PHLPP1: variants seen among roughly 807,000 people sequenced by gnomAD.
PHLPP1 encodes PH domain leucine-rich repeat-containing protein phosphatase 1.
In PHLPP1, 42 loss-of-function variants were observed where a neutral mutation model predicts 117.2. The observed-to-expected ratio is 0.36, with a 90% confidence interval of 0.28 to 0.46. The LOEUF (loss-of-function observed/expected upper bound fraction) is 0.46, where lower values mean the gene tolerates loss of function less well. PHLPP1 is among the 20% of genes least tolerant of loss of function. The pLI, the probability that PHLPP1 is intolerant of heterozygous loss-of-function variation, is 1.00. For synonymous variants in PHLPP1, 1,042 were observed against 970.7 expected, an observed-to-expected ratio of 1.07 and a Z score of -1.37; for missense variants, 2,084 against 2,241.9, an observed-to-expected ratio of 0.93 and a Z score of 1.42.
At chr18:62,797,180 T>C (rs970905623) in intron 1 of PHLPP1, among the ~76,000 whole-genome samples, 1 of 152,244 alleles carries the variant, frequency 6.6e-6, no homozygotes, top group African/African-American at 2.4e-5. Context: ...TATTCTTCTG[T>C]AACCAAAACT....
At chr18:62,902,476 A>G (rs1013806098) in intron 6 of PHLPP1, among the ~76,000 whole-genome samples, 7 of 152,048 alleles carry the variant, frequency 4.6e-5, no homozygotes, top group Admixed American at 3.9e-4. Flanking sequence ...TTCCACCTCA[A>G]CCTTTAATTC....
intron 14 of PHLPP1, among the ~76,000 whole-genome samples, chr18:62,964,267 A>C (rs1440578876): frequency 6.6e-6 from 1 of 152,204 alleles, no homozygotes; most frequent in African/African-American, 2.4e-5. Flanking sequence ...GGCACACATT[A>C]GAATCAGTAA....
At chr18:62,964,151 A>G (rs890543612) in intron 14 of PHLPP1, among the ~76,000 whole-genome samples, 4 of 152,306 alleles carry the variant, frequency 2.6e-5, no homozygotes, top group African/African-American at 9.6e-5. Flanking sequence ...GTAAATTAGA[A>G]CGGCCATAAT....
intron 2 of PHLPP1, among the ~76,000 whole-genome samples, chr18:62,837,267 C>G (rs543199120): frequency 1.3e-5 from 2 of 152,282 alleles, no homozygotes; most frequent in South Asian, 4.1e-4. Context: ...GCTGGGATTA[C>G]AAGTGTGAGC....
intron 1 of PHLPP1, among the ~76,000 whole-genome samples, chr18:62,746,809 CTAAA>C (rs1403025969): frequency 1.3e-5 from 2 of 150,630 alleles, no homozygotes; most frequent in African/African-American, 4.9e-5. Context: ...TGTATTAAAA[CTAAA>C]AAAAAGTTTG....
intron 1 of PHLPP1, among the ~76,000 whole-genome samples, chr18:62,737,971 A>G: frequency 6.6e-6 from 1 of 152,120 alleles, no homozygotes; most frequent in East Asian, 1.9e-4. Context: ...AGCAGTTCCC[A>G]CTTAATTTGA....
At chr18:62,902,522 C>T (rs1916749667) in intron 6 of PHLPP1, among the ~76,000 whole-genome samples, 1 of 152,190 alleles carries the variant, frequency 6.6e-6, no homozygotes, top group Non-Finnish European at 1.5e-5. Flanking sequence ...CATCCTCTCT[C>T]CTTCATTAAA....
intron 4 of PHLPP1, among the ~76,000 whole-genome samples, chr18:62,874,405 A>C (rs953013433): frequency 6.6e-6 from 1 of 152,046 alleles, no homozygotes; most frequent in African/African-American, 2.4e-5. Flanking sequence ...GGTATTTGGG[A>C]GGCTGAGGCA....
At chr18:62,900,686 A>G (rs1243101051) in intron 6 of PHLPP1, among the ~76,000 whole-genome samples, 5 of 151,790 alleles carry the variant, frequency 3.3e-5, no homozygotes, top group African/African-American at 9.7e-5. Context: ...TCTGGTCTCA[A>G]ACGAACCTTC....
intron 1 of PHLPP1, among the ~76,000 whole-genome samples, chr18:62,817,160 T>C (rs1456465043): frequency 5.9e-5 from 9 of 152,144 alleles, no homozygotes; most frequent in Admixed American, 5.9e-4. Flanking sequence ...CCCAGGCTGG[T>C]CTGAAATTCC....
intron 1 of PHLPP1, among the ~76,000 whole-genome samples, chr18:62,766,115 T>C (rs553089837): frequency 1.1e-3 from 112 of 103,288 alleles, no homozygotes; most frequent in African/African-American, 3.8e-3. Context: ...AATATATATA[T>C]ATTTGTACAG....
intron 4 of PHLPP1, among the ~76,000 whole-genome samples, chr18:62,876,203 C>T (rs1367033186): frequency 6.6e-6 from 1 of 152,048 alleles, no homozygotes; most frequent in Non-Finnish European, 1.5e-5. Flanking sequence ...TTAAAATGGA[C>T]CGTATGAAAC....
intron 6 of PHLPP1, among the ~76,000 whole-genome samples, chr18:62,899,345 T>G (rs537787823): frequency 6.6e-6 from 1 of 152,286 alleles, no homozygotes; most frequent in East Asian, 1.9e-4. Flanking sequence ...TCCCCTGCCC[T>G]CCTGTAGAAG....
chr18:62,769,089 C>A (rs890084118), intron 1 of PHLPP1, among the ~76,000 whole-genome samples: 2 of 152,156 alleles, frequency 1.3e-5, no homozygotes, highest in Admixed American at 6.5e-5. Flanking sequence ...AAGAATAACT[C>A]TGATATCTAG....
At position 62,716,159 on chromosome 18, in the gene PHLPP1, C is replaced by T; in HGVS notation, c.476C>T (p.Ala159Val). 6.6e-7 allele frequency: 1 copy of T among 1,518,718 alleles called. No individual in the cohort carries two copies. Among genetic ancestry groups the T allele is most frequent in the South Asian group, 1.2e-5 (1 of 82,074 alleles). The allele number at this position is 1,518,718 out of a possible 1,614,324, so 94.1% of individuals were successfully genotyped here. The change falls in exon 1 of 17, where the codon GCC becomes GTC. Residue 159 changes from alanine to valine, a missense_variant. Ala to Val is a moderately conservative substitution (Grantham distance 64). Coordinates refer to ENST00000262719, the MANE Select transcript of PHLPP1 (RefSeq NM_194449.4). The surrounding 1 kb of genome is among the most constrained non-coding windows in gnomAD (Gnocchi z 5.7). ...SHSPGAAGLP[A>V]SCSASASLCT... Reference sequence around the variant, plus strand: ...TCCCCCGGCGCTGCCGGCCTCCCCGCCTCCTGCTCGGCCTCGGCGTCGCTG... The same window carrying T: ...TCCCCCGGCGCTGCCGGCCTCCCCGTCTCCTGCTCGGCCTCGGCGTCGCTG...
At chr18:62,834,843 C>T (rs1914848138) in intron 2 of PHLPP1, among the ~76,000 whole-genome samples, 1 of 151,218 alleles carries the variant, frequency 6.6e-6, no homozygotes, top group Non-Finnish European at 1.5e-5. Flanking sequence ...CCTTTCCTCC[C>T]ACCCTTTTAT....
In PHLPP1 at chr18:62,905,204, G is replaced by T. The variant is rs758570673; in HGVS notation, c.2648-20G>T. The T allele has an allele frequency of 6.4e-5, 83 of 1,295,880 alleles. No homozygotes were observed. The highest frequency in any genetic ancestry group is 1.5e-4 in the African/African-American group (10 of 65,512). The allele number at this position is 1,295,880 out of a possible 1,614,324, so 80.3% of individuals were successfully genotyped here. On this transcript the variant is annotated intron_variant, in intron 7 of 16. Transcript: ENST00000262719. ...ATTTGTATAGTAATGTCTTTGTGGG[G>T]TTTTTTTTTTTCTTCCTAGAACTTG...
intron 4 of PHLPP1, among the ~76,000 whole-genome samples, chr18:62,888,827 TG>T (rs1341475076): frequency 1.3e-5 from 2 of 152,258 alleles, no homozygotes; most frequent in African/African-American, 4.8e-5. Flanking sequence ...GTCACCTGGC[TG>T]TCTCCTTTGC....
intron 2 of PHLPP1, among the ~76,000 whole-genome samples, chr18:62,831,115 A>G (rs1231940311): frequency 1.3e-5 from 2 of 152,094 alleles, no homozygotes; most frequent in Non-Finnish European, 2.9e-5. Context: ...TAACTATTTT[A>G]TTGCTATTAT....
Sources: gnomAD v4.1 joint callset for allele counts (sites outside exome capture counted in the v4.1 genomes callset) on GRCh38, gnomAD v4.1.1 for gene constraint, Gnocchi (gnomAD v3.1) non-coding constraint, MANE v1.5 for transcripts, NCBI Gene and HGNC (gene_info 2026-07-23, HGNC 2026-07-21) for gene names.